The following MAP2 variants were observed in gnomAD, a reference collection of about 807,000 sequenced individuals.
MAP2 encodes the protein microtubule associated protein 2.
Under a neutral mutation model 137.6 loss-of-function variants are expected in MAP2, and 14 were observed. The observed-to-expected ratio is 0.10, with a 90% CI of 0.07 to 0.16. MAP2 has a LOEUF of 0.16. Among genes scored for constraint, MAP2 ranks in the 10% least tolerant of loss-of-function variants. The pLI, the probability that MAP2 is intolerant of heterozygous loss-of-function variation, is 1.00. For missense variants in MAP2, 2,088 were observed against 2,191.5 expected (o/e 0.95, Z 0.94); for synonymous variants, 786 against 782.3 (o/e 1.00, Z -0.08).
intron 13 of MAP2, among the ~76,000 whole-genome samples, chr2:209,717,670 A>G (rs1313430504): frequency 6.6e-6 from 1 of 152,194 alleles, no homozygotes; most frequent in African/African-American, 2.4e-5. Context: ...TATAACATAT[A>G]AGATGAAGAG....
intron 2 of MAP2, among the ~76,000 whole-genome samples, chr2:209,539,838 C>G (rs2150721076): frequency 6.6e-6 from 1 of 150,506 alleles, no homozygotes; most frequent in African/African-American, 2.5e-5. Context: ...TGGCTCGTGC[C>G]TATAATCCCA....
intron 3 of MAP2, among the ~76,000 whole-genome samples, chr2:209,623,113 A>G (rs1055531037): frequency 3.3e-5 from 5 of 152,150 alleles, no homozygotes; most frequent in Non-Finnish European, 7.3e-5. Flanking sequence ...ATGCTCTTTG[A>G]TAACAGATAG....
In MAP2 at chr2:209,694,335, A is replaced by G. The variant is rs766792470; in HGVS notation, c.2165A>G (p.His722Arg). The G allele has an allele frequency of 1.1e-5, 17 of 1,614,016 alleles. No individual in the cohort carries two copies. The highest frequency in any genetic ancestry group is 2.5e-6 in the Non-Finnish European group (3 of 1,180,022). ...IALGFNFGRG[H>R]DLSPLASDIL... The stretch of plus-strand genomic sequence containing the variant: ...CTTGGATTTAACTTTGGTCGGGGAC[A>G]TGATCTTTCTCCTCTGGCTTCCGAT... The change falls in exon 8 of 16, where the codon CAT (histidine) becomes CGT (arginine). Residue 722 changes from histidine (H) to arginine (R), a missense_variant. This residue lies in a region of MAP2 where 500 missense variants were observed against 482.9 expected (regional missense o/e 1.04). Coordinates refer to ENST00000682079, the MANE Select transcript of MAP2 (RefSeq NM_001375505.1).
At chr2:209,468,149 A>G (rs1367607474) in intron 1 of MAP2, among the ~76,000 whole-genome samples, 1 of 151,936 alleles carries the variant, frequency 6.6e-6, no homozygotes, top group Non-Finnish European at 1.5e-5. Flanking sequence ...GGTTCTTGAA[A>G]AATTCAACTT....
chr2:209,511,307 A>C (rs910949724), intron 2 of MAP2, among the ~76,000 whole-genome samples: 2 of 152,078 alleles, frequency 1.3e-5, no homozygotes, highest in Non-Finnish European at 2.9e-5. Flanking sequence ...TGCAGTCAGT[A>C]CTTAGCATAT....
chr2:209,599,632 C>A (rs147112263), intron 3 of MAP2, among the ~76,000 whole-genome samples: 1 of 152,090 alleles, frequency 6.6e-6, no homozygotes, highest in African/African-American at 2.4e-5. Context: ...TTTAAAAAAC[C>A]ATTTATTACA....
At chr2:209,634,730 C>T (rs1009147307) in intron 4 of MAP2, among the ~76,000 whole-genome samples, 4 of 152,060 alleles carry the variant, frequency 2.6e-5, no homozygotes, top group African/African-American at 7.2e-5. Flanking sequence ...TATTTGAATA[C>T]TCAGATCAAG....
At position 209,657,518 on chromosome 2, in the gene MAP2, G is replaced by A. The variant is rs138566230; in HGVS notation, c.262+4086G>A. 3.3e-3 allele frequency among the ~76,000 whole-genome samples: 504 copies of A among 152,120 alleles called. 3 individuals carry two copies. The highest frequency in any genetic ancestry group is 0.011 in the African/African-American group (453 of 41,508). On this transcript the variant is annotated intron_variant, in intron 5 of 15. Coordinates refer to ENST00000682079, the MANE Select transcript of MAP2 (RefSeq NM_001375505.1). The stretch of plus-strand genomic sequence containing the variant: ...CATTGTGGTTTTAATTTGCATTTCC[G>A]TGATGATTAGTGATGTTGAGCATTT...
intron 3 of MAP2, among the ~76,000 whole-genome samples, chr2:209,606,914 G>A (rs1007352771): frequency 6.6e-6 from 1 of 152,086 alleles, no homozygotes; most frequent in African/African-American, 2.4e-5. Flanking sequence ...TAGCATTAAT[G>A]ATATTAAATA....
chr2:209,623,486 T>A (rs991292874), intron 3 of MAP2, among the ~76,000 whole-genome samples: 2 of 152,142 alleles, frequency 1.3e-5, no homozygotes, highest in South Asian at 4.1e-4. Flanking sequence ...TTAAGAAATT[T>A]AAGAAAAATA....
intron 3 of MAP2, among the ~76,000 whole-genome samples, chr2:209,593,829 TTATATTATATTATA>T (rs2080337136): frequency 2.0e-5 from 2 of 100,016 alleles, no homozygotes; most frequent in Admixed American, 1.5e-4. Flanking sequence ...TACATTATAT[TTATATTATATTATA>T]ATATATATTA....
chr2:209,624,346 C>T (rs1237056287), intron 3 of MAP2, among the ~76,000 whole-genome samples: 1 of 152,132 alleles, frequency 6.6e-6, no homozygotes, highest in Non-Finnish European at 1.5e-5. Flanking sequence ...TCTGCAATCC[C>T]TTATGTATTG....
chr2:209,678,054 A>T (rs910246806), intron 5 of MAP2, among the ~76,000 whole-genome samples: 5 of 152,060 alleles, frequency 3.3e-5, no homozygotes, highest in Non-Finnish European at 7.4e-5. Context: ...GTATAAGGAA[A>T]CTATAAAACA....
chr2:209,554,972 A>G (rs963208316), intron 2 of MAP2, among the ~76,000 whole-genome samples: 5 of 148,276 alleles, frequency 3.4e-5, no homozygotes, highest in African/African-American at 1.2e-4. Flanking sequence ...TATATATATA[A>G]TTTACTTTCT....
Position 209,680,761 on chromosome 2 carries a change from A to G in MAP2, c.388A>G (p.Thr130Ala). ...TGTTTGATCTTTAGCAGCTGAAGAA[A>G]CAGCTAATCTGCCTCCTTCTCCACC... ...TAALPLAAEE[T>A]ANLPPSPPPS... Residue 130 changes from threonine to alanine, a missense_variant, in exon 7 of 16, where the codon ACA becomes GCA. By Grantham distance (58) the Thr-to-Ala change is moderately conservative. This residue lies in a region of MAP2 where 859 missense variants were observed against 794.5 expected (regional missense o/e 1.08). Transcript: ENST00000682079. 1 of 1,613,500 alleles carries G rather than the reference A, an allele frequency of 6.2e-7. No individual in the cohort carries two copies.
At chr2:209,448,194 G>T (rs1026753568) in intron 1 of MAP2, among the ~76,000 whole-genome samples, 2 of 152,120 alleles carry the variant, frequency 1.3e-5, no homozygotes, top group East Asian at 3.9e-4. Context: ...CAAATAAAGA[G>T]GTCTATTGTT....
intron 2 of MAP2, among the ~76,000 whole-genome samples, chr2:209,526,684 C>G (rs1242838819): frequency 6.8e-6 from 1 of 147,978 alleles, no homozygotes; most frequent in East Asian, 2.0e-4. Flanking sequence ...CATACTAGAT[C>G]CTTGCAGAAG....
intron 10 of MAP2, among the ~76,000 whole-genome samples, chr2:209,698,009 T>G (rs1410077953): frequency 6.6e-5 from 1 of 15,040 alleles, no homozygotes; most frequent in Non-Finnish European, 1.3e-3. Flanking sequence ...CCCAGCTAAT[T>G]TTTTTTTTTT....
At chr2:209,616,452 A>G (rs886975473) in intron 3 of MAP2, among the ~76,000 whole-genome samples, 1 of 152,222 alleles carries the variant, frequency 6.6e-6, no homozygotes, top group Non-Finnish European at 1.5e-5. Context: ...AAAATAAACT[A>G]CGTCATTCAT....
Sources: allele counts gnomAD v4.1 joint callset (sites outside exome capture counted in the v4.1 genomes callset), GRCh38; gene constraint gnomAD v4.1.1; regional missense constraint gnomAD v4.1.1; transcripts MANE v1.5; gene names NCBI Gene and HGNC (gene_info 2026-07-23, HGNC 2026-07-21).